SYNPO2: variants seen among roughly 807,000 people sequenced by gnomAD.
SYNPO2 encodes the protein synaptopodin-2.
In SYNPO2, 56 loss-of-function variants were observed where a neutral mutation model predicts 85.0. The observed-to-expected ratio is 0.66, with a 90% CI of 0.53 to 0.82. The LOEUF is 0.82. SYNPO2 is among the 40% of genes least tolerant of loss of function. The probability of loss-of-function intolerance (pLI) is 0.00; values close to 1 mark genes in which losing one functional copy is unlikely to be tolerated. For synonymous variants in SYNPO2, 602 were observed against 591.1 expected (o/e 1.02, Z -0.27); for missense variants, 1,575 against 1,534.2 (o/e 1.03, Z -0.44).
chr4:119,032,359 G>A, intron 4 of SYNPO2: 1 of 1,234,810 alleles, frequency 8.1e-7, no homozygotes, highest in South Asian at 2.0e-5. Flanking sequence ...GAAAGACAGT[G>A]ATCAGTGATA....
chr4:118,993,152 A>T (rs991755823), intron 1 of SYNPO2, among the ~76,000 whole-genome samples: 1 of 152,066 alleles, frequency 6.6e-6, no homozygotes, highest in African/African-American at 2.4e-5. Flanking sequence ...TTAAATTTTT[A>T]AATTAAATTC....
intron 1 of SYNPO2, among the ~76,000 whole-genome samples, chr4:118,960,589 T>G (rs1191991483): frequency 3.9e-5 from 6 of 152,254 alleles, no homozygotes; most frequent in African/African-American, 1.4e-4. Context: ...AATCCTGACT[T>G]CTCAGAGTAC....
chr4:118,964,637 T>A (rs1735242409), intron 1 of SYNPO2, among the ~76,000 whole-genome samples: 1 of 152,220 alleles, frequency 6.6e-6, no homozygotes, highest in Admixed American at 6.5e-5. Flanking sequence ...TGTATCTCCA[T>A]CTTTCTCTCT....
chr4:118,953,376 A>G (rs543554527), intron 1 of SYNPO2, among the ~76,000 whole-genome samples: 1 of 152,324 alleles, frequency 6.6e-6, no homozygotes, highest in East Asian at 1.9e-4. Context: ...AGTTTGTGTC[A>G]GATTCTAACC....
rs529404214 is a variant in SYNPO2 at position 118,994,037 on chromosome 4, G to A, written c.106-29393G>A. On this transcript the variant is annotated intron_variant, in intron 1 of 4. Coordinates refer to ENST00000307142, the MANE Select transcript of SYNPO2 (RefSeq NM_133477.3). ...TCCTTTTATTACTGTTGAACATTTGGTTCTTCTAGGGGGCCTCTGGGTCAG... is the reference window on the plus strand; with the variant it reads ...TCCTTTTATTACTGTTGAACATTTGATTCTTCTAGGGGGCCTCTGGGTCAG... Among the ~76,000 whole-genome samples the A allele has an allele frequency of 1.6e-4, 24 of 152,254 alleles. No individual in the cohort carries two copies. The South Asian group carries it at 3.5e-3, about 22-fold the overall frequency.
At chr4:118,897,763 T>A (rs1231882677) in intron 1 of SYNPO2, among the ~76,000 whole-genome samples, 2 of 152,114 alleles carry the variant, frequency 1.3e-5, no homozygotes, top group African/African-American at 4.8e-5. Flanking sequence ...GGTTCACATC[T>A]AAAGAGCCTG....
In SYNPO2 at chr4:118,857,729, G is replaced by A. The variant is rs568416028; in HGVS notation, c.12+6789G>A. Among the ~76,000 whole-genome samples the A allele has an allele frequency of 6.6e-5, 10 of 152,228 alleles. No homozygotes were observed. In the South Asian group the frequency reaches 1.5e-3, roughly 22 times the overall value. ...TACTTAATTTCTAATAGAGTAGAAC[G>A]CTCTCGTACTAAGAGGGTCATGTAG... On this transcript the variant is annotated intron_variant, in intron 1 of 4. Transcript: ENST00000610556.
chr4:118,950,583 T>G (rs896042725), intron 1 of SYNPO2, among the ~76,000 whole-genome samples: 8 of 152,096 alleles, frequency 5.3e-5, no homozygotes, highest in Admixed American at 5.2e-4. Flanking sequence ...GGTGCTAGGG[T>G]GACTAGGACA....
chr4:118,932,707 TG>T (rs1467555810), intron 1 of SYNPO2, among the ~76,000 whole-genome samples: 1 of 152,248 alleles, frequency 6.6e-6, no homozygotes, highest in Non-Finnish European at 1.5e-5. Context: ...ATTTGTTTTC[TG>T]TAATTTCAAA....
chr4:118,935,715 A>G (rs114422345), intron 1 of SYNPO2, among the ~76,000 whole-genome samples: 2,596 of 152,388 alleles, frequency 0.017, 84 homozygotes, highest in African/African-American at 0.06. Context: ...GTTGACTGGA[A>G]GCCTTACCAA....
chr4:118,878,558 T>C (rs528268633), intron 1 of SYNPO2, among the ~76,000 whole-genome samples: 2 of 152,084 alleles, frequency 1.3e-5, no homozygotes, highest in African/African-American at 2.4e-5. Flanking sequence ...CCGCGCTCTG[T>C]GTCTAGCTAA....
rs767814385 is a variant in SYNPO2, at chr4:119,030,719, A to G, written c.1944A>G (p.Pro648=). ...TTGCTGGCCCAGCACAGCCCCCTCCATGGCCCCAGCCTGCCCCGTGGTCCC... is the reference window on the plus strand; with the variant it reads ...TTGCTGGCCCAGCACAGCCCCCTCCGTGGCCCCAGCCTGCCCCGTGGTCCC... ...SPIAGPAQPP[P]WPQPAPWSQP... is the part of the protein sequence containing the mutation. The change falls in exon 4 of 5, where the codon CCA becomes CCG. Residue 648 remains proline (P), a synonymous_variant. Coordinates refer to ENST00000307142, the MANE Select transcript of SYNPO2 (RefSeq NM_133477.3). The G allele has an allele frequency of 2.5e-6, 4 of 1,614,120 alleles. No individual in the cohort carries two copies. The highest frequency in any genetic ancestry group is 2.7e-5 in the African/African-American group (2 of 75,002).
chr4:119,012,533 T>C (rs1037080751), intron 1 of SYNPO2, among the ~76,000 whole-genome samples: 6 of 152,156 alleles, frequency 3.9e-5, no homozygotes, highest in African/African-American at 1.4e-4. Context: ...TTTGTCCTAA[T>C]GCTCTCCCTC....
At chr4:118,952,359 A>G (rs1734730895) in intron 1 of SYNPO2, among the ~76,000 whole-genome samples, 1 of 152,064 alleles carries the variant, frequency 6.6e-6, no homozygotes, top group African/African-American at 2.4e-5. Context: ...TCCATATCTA[A>G]GAGTAAACTT....
intron 1 of SYNPO2, among the ~76,000 whole-genome samples, chr4:119,012,365 TC>T (rs1186243833): frequency 1.6e-4 from 21 of 133,012 alleles, no homozygotes; most frequent in Non-Finnish European, 2.4e-4. Context: ...TCCTTTTTTT[TC>T]CCCCTTTTCT....
chr4:118,905,784 C>T (rs1009216934), intron 1 of SYNPO2, among the ~76,000 whole-genome samples: 8 of 152,166 alleles, frequency 5.3e-5, no homozygotes, highest in African/African-American at 1.7e-4. Flanking sequence ...ATTTGTCACC[C>T]GAGTCTCGAA....
upstream of SYNPO2, among the ~76,000 whole-genome samples, chr4:118,887,164 T>A (rs1221354096): frequency 7.6e-6 from 1 of 130,976 alleles, no homozygotes; most frequent in Non-Finnish European, 1.7e-5. Flanking sequence ...CCCATCTGAG[T>A]GAGTGTGTGT....
intron 4 of SYNPO2, among the ~76,000 whole-genome samples, chr4:119,053,908 A>G (rs1369268203): frequency 6.6e-6 from 1 of 152,190 alleles, no homozygotes; most frequent in Non-Finnish European, 1.5e-5. Flanking sequence ...CAGGGGCCTC[A>G]CCGAGATTTC....
At chr4:119,018,862 A>C (rs546262220) in intron 1 of SYNPO2, among the ~76,000 whole-genome samples, 1 of 152,312 alleles carries the variant, frequency 6.6e-6, no homozygotes, top group African/African-American at 2.4e-5. Flanking sequence ...GAATACCCTA[A>C]TTACACTGGT....
Sources: gnomAD v4.1 joint callset for allele counts (sites outside exome capture counted in the v4.1 genomes callset) on GRCh38, gnomAD v4.1.1 for gene constraint, MANE v1.5 for transcripts, NCBI Gene and HGNC (gene_info 2026-07-23, HGNC 2026-07-21) for gene names.